The following COLEC10 variants were observed in gnomAD, a reference collection of about 807,000 sequenced individuals.
The protein encoded by COLEC10 is collectin-10.
Under a neutral mutation model 28.4 loss-of-function variants are expected in COLEC10, and 22 were observed. The observed-to-expected ratio is 0.78, with a 90% CI of 0.55 to 1.11. COLEC10 has a LOEUF of 1.11. Ranked by LOEUF, COLEC10 falls within the 50% of genes least tolerant of loss-of-function variation. The pLI is 0.00. For synonymous variants in COLEC10, 125 were observed against 116.1 expected, an observed-to-expected ratio of 1.08 and a Z score of -0.49; for missense variants, 361 against 344.1, an observed-to-expected ratio of 1.05 and a Z score of -0.39.
chr8:118,952,557 G>A, the COLEC10 span, among the ~76,000 whole-genome samples: 1 of 152,170 alleles, frequency 6.6e-6, no homozygotes, highest in Non-Finnish European at 1.5e-5. Flanking sequence ...TGTCTGATTG[G>A]CCCTAAAGCC....
At chr8:119,053,681 A>G (rs1457173757) in intron 2 of COLEC10, among the ~76,000 whole-genome samples, 1 of 93,748 alleles carries the variant, frequency 1.1e-5, no homozygotes, top group East Asian at 3.4e-4. Context: ...AATTAAAAAA[A>G]AAGGTGGGGG....
At chr8:119,080,207 A>G (rs1441916104) in intron 1 of COLEC10, among the ~76,000 whole-genome samples, 1 of 152,034 alleles carries the variant, frequency 6.6e-6, no homozygotes, top group African/African-American at 2.4e-5. Context: ...CTCCCACCCC[A>G]TCAAACTTCT....
intron 2 of COLEC10, among the ~76,000 whole-genome samples, chr8:119,023,900 A>G (rs1371356105): frequency 6.6e-6 from 1 of 152,126 alleles, no homozygotes; most frequent in Non-Finnish European, 1.5e-5. Context: ...GGTGCATGGT[A>G]GTCCTGTACA....
the COLEC10 span, among the ~76,000 whole-genome samples, chr8:118,965,633 G>C: frequency 4.0e-5 from 6 of 151,884 alleles, no homozygotes; most frequent in African/African-American, 1.5e-4. Flanking sequence ...TCTGCTTGGA[G>C]GAAGTGTGGG....
intron 2 of COLEC10, among the ~76,000 whole-genome samples, chr8:119,056,938 C>A (rs1814772338): frequency 6.6e-6 from 1 of 152,026 alleles, no homozygotes. Flanking sequence ...GTTCCTCAAA[C>A]ACATCATTCT....
intron 1 of COLEC10, among the ~76,000 whole-genome samples, chr8:119,005,165 T>C (rs1179748733): frequency 6.6e-6 from 1 of 152,130 alleles, no homozygotes; most frequent in Non-Finnish European, 1.5e-5. Context: ...TCACCACCTC[T>C]GTGCTGTGTC....
upstream of COLEC10, among the ~76,000 whole-genome samples, chr8:119,065,079 A>T (rs934239977): frequency 6.6e-6 from 1 of 152,148 alleles, no homozygotes; most frequent in Non-Finnish European, 1.5e-5. Flanking sequence ...CTCCCACCTC[A>T]AAATTCATGT....
rs1047266140 is a variant in COLEC10 at position 119,108,328 on chromosome 8, G to A, written c.*2137G>A. 2.0e-5 allele frequency among the ~76,000 whole-genome samples: 3 copies of A among 152,126 alleles called. No individual in the cohort carries two copies. Among genetic ancestry groups the A allele is most frequent in the African/African-American group, 4.8e-5 (2 of 41,430 alleles). On this transcript the variant is annotated 3_prime_UTR_variant, in exon 6 of 6. Coordinates refer to ENST00000332843, the MANE Select transcript of COLEC10 (RefSeq NM_006438.5). ...GAGACATGCAGCAAATGTTGCCTAC[G>A]GGCAACTTCATGTTAAGGATCCATG...
chr8:119,102,980 A>G (rs1022587030), intron 4 of COLEC10, among the ~76,000 whole-genome samples: 1 of 152,198 alleles, frequency 6.6e-6, no homozygotes, highest in African/African-American at 2.4e-5. Context: ...TTCATATTTC[A>G]TATGAATATG....
rs1008224081 is a variant in COLEC10, at chr8:119,009,286, G to A, written n.123-155G>A. Among the ~76,000 whole-genome samples, 15 of 150,878 alleles carry A rather than the reference G, an allele frequency of 9.9e-5. 2 individuals are homozygous for A. The highest frequency in any genetic ancestry group is 3.7e-4 in the African/African-American group (15 of 40,334). On this transcript the variant is annotated intron_variant and non_coding_transcript_variant, in intron 1 of 6. Coordinates refer to the COLEC10 transcript ENST00000521788. ...TATGTTGAACCTTGATCCTCAATGT[G>A]GCAGCTTTGGAAGTGGTGCCTGTGA...
chr8:118,963,859 G>A, the COLEC10 span, among the ~76,000 whole-genome samples: 3 of 152,104 alleles, frequency 2.0e-5, no homozygotes, highest in Non-Finnish European at 4.4e-5. Context: ...GATACAGAGT[G>A]CCTACTATGT....
intron 3 of COLEC10, among the ~76,000 whole-genome samples, chr8:119,094,512 G>A (rs1048097334): frequency 6.6e-6 from 1 of 152,122 alleles, no homozygotes; most frequent in Non-Finnish European, 1.5e-5. Context: ...ATATCTGAAG[G>A]TATGACAGTG....
chr8:118,978,441 G>A, the COLEC10 span, among the ~76,000 whole-genome samples: 1 of 151,862 alleles, frequency 6.6e-6, no homozygotes, highest in Non-Finnish European at 1.5e-5. Flanking sequence ...TCTTATTCTT[G>A]TTTACCATCT....
intron 2 of COLEC10, among the ~76,000 whole-genome samples, chr8:119,012,671 G>T (rs568816506): frequency 6.6e-6 from 1 of 150,646 alleles, no homozygotes; most frequent in South Asian, 2.1e-4. Context: ...TATTCAGATT[G>T]TTTATTTCTT....
the COLEC10 span, among the ~76,000 whole-genome samples, chr8:118,954,179 A>G: frequency 6.6e-6 from 1 of 152,214 alleles, no homozygotes; most frequent in Non-Finnish European, 1.5e-5. Flanking sequence ...TTGGGGATTC[A>G]GGGGATTGGT....
the COLEC10 span, among the ~76,000 whole-genome samples, chr8:118,971,502 G>C: frequency 6.6e-6 from 1 of 152,110 alleles, no homozygotes; most frequent in South Asian, 2.1e-4. Context: ...ACGGGAACAT[G>C]AGTGATAAAA....
chr8:119,020,903 A>C (rs1814078395), intron 2 of COLEC10, among the ~76,000 whole-genome samples: 1 of 152,202 alleles, frequency 6.6e-6, no homozygotes, highest in Non-Finnish European at 1.5e-5. Flanking sequence ...CATTAAAAAT[A>C]CACATGAATT....
At chr8:119,015,346 G>A (rs554417339) in intron 2 of COLEC10, among the ~76,000 whole-genome samples, 2 of 151,064 alleles carry the variant, frequency 1.3e-5, no homozygotes, top group South Asian at 4.2e-4. Flanking sequence ...GATGGCTGGT[G>A]TGGGCTGGAG....
At chr8:119,095,636 A>G (rs1815699221) in intron 3 of COLEC10, among the ~76,000 whole-genome samples, 1 of 152,152 alleles carries the variant, frequency 6.6e-6, no homozygotes, top group South Asian at 2.1e-4. Flanking sequence ...TGGGAGGTAG[A>G]GGTTGCAGTG....
Sources: gnomAD v4.1 joint callset for allele counts (sites outside exome capture counted in the v4.1 genomes callset) on GRCh38, gnomAD v4.1.1 for gene constraint, MANE v1.5 for transcripts, NCBI Gene and HGNC (gene_info 2026-07-23, HGNC 2026-07-21) for gene names.